TXLNA: variants seen among roughly 807,000 people sequenced by gnomAD.
The protein encoded by TXLNA is alpha-taxilin.
A neutral mutation model predicts 61.4 loss-of-function variants in TXLNA; 9 were observed. That is an observed-to-expected ratio of 0.15 (90% confidence interval 0.09 to 0.26). The LOEUF is 0.26. TXLNA is among the 10% of genes least tolerant of loss of function. TXLNA has a pLI of 1.00. For synonymous variants in TXLNA, 257 were observed against 267.7 expected, an observed-to-expected ratio of 0.96 and a Z score of 0.39; for missense variants, 565 against 688.8, an observed-to-expected ratio of 0.82 and a Z score of 2.01.
At position 32,187,294 on chromosome 1, in the gene TXLNA, T is replaced by C. The variant is rs547384273; in HGVS notation, c.598-660T>C. ...ACTAAAATTAATTTCACCTGTTTTT[T>C]ACTTTTTTAGTGCGGCCAGTAGAAT... On this transcript the variant is annotated intron_variant, in intron 4 of 10. Coordinates refer to ENST00000373610, the MANE Select transcript of TXLNA (RefSeq NM_175852.4). Among the ~76,000 whole-genome samples the C allele has an allele frequency of 9.2e-5, 14 of 152,400 alleles. No individual in the cohort carries two copies. In the South Asian group the frequency reaches 1.2e-3, roughly 14 times the overall value.
At chr1:32,187,232 T>A (rs1642806028) in intron 4 of TXLNA, among the ~76,000 whole-genome samples, 1 of 152,248 alleles carries the variant, frequency 6.6e-6, no homozygotes, top group African/African-American at 2.4e-5. Context: ...CGTGTTGAAA[T>A]TGTAATGTTT....
Position 32,181,567 on chromosome 1 carries a change from C to T in TXLNA, c.495C>T (p.Ala165=). 4 of 1,543,376 alleles carry T rather than the reference C, an allele frequency of 2.6e-6. No individual in the cohort carries two copies. Among genetic ancestry groups the T allele is most frequent in the Non-Finnish European group, 3.5e-6 (4 of 1,142,408 alleles). Residue 165 remains alanine (A), a synonymous_variant, in exon 3 of 11, where the codon GCC becomes GCT. Coordinates refer to ENST00000373610, the MANE Select transcript of TXLNA (RefSeq NM_175852.4). ...DHRRPQEKKK[A]KGLGKEITLL... ...GAAGGCCACAGGAGAAGAAAAAAGC[C>T]AAGGGTTTGGGTGAGCAGAGGGCGG...
At chr1:32,185,823 C>T (rs1642777606) in intron 4 of TXLNA, among the ~76,000 whole-genome samples, 3 of 151,856 alleles carry the variant, frequency 2.0e-5, no homozygotes, top group Admixed American at 1.3e-4. Context: ...CTCAGCCTCC[C>T]GAGTAGCTGG....
intron 6 of TXLNA, among the ~76,000 whole-genome samples, chr1:32,191,782 T>G (rs1015361050): frequency 6.6e-6 from 1 of 152,256 alleles, no homozygotes; most frequent in Non-Finnish European, 1.5e-5. Flanking sequence ...AAGTAGCACC[T>G]GAGTCCTTCA....
Position 32,192,620 on chromosome 1 carries a change from G to T in TXLNA, c.1084-37G>T. 1 of 1,612,998 alleles carries T rather than the reference G, an allele frequency of 6.2e-7. No individual in the cohort carries two copies. The highest frequency in any genetic ancestry group is 2.2e-5 in the East Asian group (1 of 44,876). ...TAAAAACCAAACATAGCCCCTGGGG[G>T]CTTCTGACAGGATCTGGGGTTCTGT... On this transcript the variant is annotated intron_variant, in intron 7 of 10. Transcript: ENST00000373610. The surrounding 1 kb of genome is among the most constrained non-coding windows in gnomAD (Gnocchi z 4.2).
At chr1:32,190,399 T>C in intron 6 of TXLNA, 150 bp downstream of exon 6, 1 of 807,576 alleles carries the variant, frequency 1.2e-6, no homozygotes, top group Non-Finnish European at 1.9e-6. Context: ...TTATTCCTCA[T>C]AGATAAAAAA....
At chr1:32,182,145 A>G (rs1324653066) in intron 3 of TXLNA, among the ~76,000 whole-genome samples, 1 of 143,486 alleles carries the variant, frequency 7.0e-6, no homozygotes, top group East Asian at 2.1e-4. Flanking sequence ...CCAGAAATCT[A>G]GAGTTATGTG....
chr1:32,187,756 T>C (rs1211394884), intron 4 of TXLNA, among the ~76,000 whole-genome samples, 198 bp from the exon 5 acceptor site: 1 of 152,172 alleles, frequency 6.6e-6, no homozygotes, highest in Non-Finnish European at 1.5e-5. Flanking sequence ...TCTCTGTCCC[T>C]ACGGTGGAGC....
rs16834918 is a variant in TXLNA at position 32,195,453 on chromosome 1, T to C, written c.*258T>C. On this transcript the variant is annotated 3_prime_UTR_variant, in exon 11 of 11. Coordinates refer to ENST00000373610, the MANE Select transcript of TXLNA (RefSeq NM_175852.4). ...TGGGGGTGTGTACAGATGAAGTCAG[T>C]GGCTTGTCTGTGAGCTGAAGAGTCT... 1,092 of 564,326 alleles carry C rather than the reference T, an allele frequency of 1.9e-3. 13 individuals carry two copies. The East Asian group carries it at 0.031, about 16-fold the overall frequency. The allele number at this position is 564,326 out of a possible 1,614,324, so 35.0% of individuals were successfully genotyped here.
chr1:32,180,652 C>T, intron 2 of TXLNA, 138 bp downstream of exon 2: 2 of 1,133,034 alleles, frequency 1.8e-6, no homozygotes, highest in East Asian at 2.6e-5. Context: ...GGGCCGCGGT[C>T]CCCCCTGCGC....
chr1:32,188,531 A>T (rs187825582), intron 5 of TXLNA, among the ~76,000 whole-genome samples: 1 of 152,040 alleles, frequency 6.6e-6, no homozygotes, highest in Non-Finnish European at 1.5e-5. Flanking sequence ...CCAGCTACTC[A>T]GGTGGCTCAG....
intron 1 of TXLNA, chr1:32,180,067 G>A (rs1642618472): frequency 3.4e-6 from 1 of 296,294 alleles, no homozygotes; most frequent in Non-Finnish European, 6.3e-6. Flanking sequence ...GGCCGGTTGT[G>A]CCGGGAAGTG....
intron 2 of TXLNA, 139 bp from the exon 3 acceptor site, chr1:32,181,103 C>T (rs1439606681): frequency 8.3e-6 from 5 of 602,726 alleles, no homozygotes; most frequent in Non-Finnish European, 1.3e-5. Context: ...ATACTCCATT[C>T]TTGCTTCTCA....
At chr1:32,187,000 G>A (rs1432973018) in intron 4 of TXLNA, among the ~76,000 whole-genome samples, 1 of 152,150 alleles carries the variant, frequency 6.6e-6, no homozygotes, top group African/African-American at 2.4e-5. Flanking sequence ...AGGTTCAAAC[G>A]ATTCTCCTGC....
chr1:32,195,701 A>G lies in TXLNA; in HGVS notation c.*506A>G, dbSNP rs1370810669. The G allele has an allele frequency of 2.2e-6, 1 of 456,466 alleles. No homozygotes were observed. The highest frequency in any genetic ancestry group is 1.5e-5 in the South Asian group (1 of 64,568). 28.3% of individuals were successfully genotyped at this position (456,466 alleles called of 1,614,324 possible). ...GCTCCTTTGATTCTCTAGACCTGGAAAAGGTGTCCCTAGGCAGAGCCCTGG... is the reference window on the plus strand; with the variant it reads ...GCTCCTTTGATTCTCTAGACCTGGAGAAGGTGTCCCTAGGCAGAGCCCTGG... On this transcript the variant is annotated 3_prime_UTR_variant, in exon 11 of 11. Coordinates refer to ENST00000373610, the MANE Select transcript of TXLNA (RefSeq NM_175852.4).
rs762535648 is a variant in TXLNA at position 32,188,030 on chromosome 1, A to G, written c.674A>G (p.Asp225Gly). The G allele has an allele frequency of 9.9e-6, 16 of 1,612,222 alleles. No homozygotes were observed. The Admixed American group carries it at 2.7e-4, about 27-fold the overall frequency. The stretch of plus-strand genomic sequence containing the variant: ...CAGAGCCAGCTGGTGCAAGAGAAGG[A>G]CCACCTGCGCGGTGAGCACAGCAAG... ...KKQSQLVQEK[D>G]HLRGEHSKAV... The change falls in exon 5 of 11, where the codon GAC becomes GGC. Residue 225 changes from aspartate (D) to glycine (G), a missense_variant. Around this residue, in one of 2 missense-constraint regions of TXLNA, gnomAD observed 373 missense variants for 504.0 expected, o/e 0.74. Coordinates refer to ENST00000373610, the MANE Select transcript of TXLNA (RefSeq NM_175852.4).
At chr1:32,190,833 C>T (rs1488480876) in intron 6 of TXLNA, among the ~76,000 whole-genome samples, 1 of 152,198 alleles carries the variant, frequency 6.6e-6, no homozygotes, top group African/African-American at 2.4e-5. Flanking sequence ...TGGCTCATGC[C>T]TGTAATCCCA....
At chr1:32,181,023 A>C (rs982289762) in intron 2 of TXLNA, among the ~76,000 whole-genome samples, 1 of 152,186 alleles carries the variant, frequency 6.6e-6, no homozygotes, top group African/African-American at 2.4e-5. Flanking sequence ...TTAGGCAACG[A>C]TTACTATAAT....
chr1:32,185,114 C>T (rs959959884), intron 4 of TXLNA, among the ~76,000 whole-genome samples: 1 of 152,168 alleles, frequency 6.6e-6, no homozygotes, highest in African/African-American at 2.4e-5. Flanking sequence ...ACTTCTTTAC[C>T]TCCTGGTACA....
Sources: gnomAD v4.1 joint callset for allele counts (sites outside exome capture counted in the v4.1 genomes callset) on GRCh38, gnomAD v4.1.1 for gene constraint, gnomAD v4.1.1 regional missense constraint, Gnocchi (gnomAD v3.1) non-coding constraint, MANE v1.5 for transcripts, NCBI Gene and HGNC (gene_info 2026-07-23, HGNC 2026-07-21) for gene names.